The following ANKRD2 variants were observed in gnomAD, a reference collection of about 807,000 sequenced individuals.
ANKRD2 encodes ankyrin repeat domain 2.
ANKRD2 carries 35 observed loss-of-function variants against 37.3 expected under a neutral mutation model. The ratio of observed to expected loss-of-function variants is 0.94; its 90% CI spans 0.72 to 1.24. ANKRD2 has a LOEUF of 1.24. ANKRD2 is among the 50% of genes most tolerant of loss of function. ANKRD2 has a pLI of 0.00. For missense variants in ANKRD2, 410 were observed against 445.6 expected, an observed-to-expected ratio of 0.92 and a Z score of 0.72; for synonymous variants, 159 against 186.5, an observed-to-expected ratio of 0.85 and a Z score of 1.20.
chr10:97,572,846 C>A lies in ANKRD2; in HGVS notation c.58C>A (p.Gln20Lys). The change falls in exon 1 of 9, where the codon CAG (glutamine) becomes AAG (lysine). Residue 20 changes from glutamine (Q) to lysine (K), a missense_variant. Transcript: ENST00000370655. ...GCAGAGGGCCACAGCGCTCATCGAGCAGCGGCTGGCACAGGAGGAGGAGAA... is the reference window on the plus strand; with the variant it reads ...GCAGAGGGCCACAGCGCTCATCGAGAAGCGGCTGGCACAGGAGGAGGAGAA... ...AVQRATALIE[Q>K]RLAQEEENEK... The A allele has an allele frequency of 6.4e-7, 1 of 1,556,398 alleles. No individual in the cohort carries two copies. Among genetic ancestry groups the A allele is most frequent in the Middle Eastern group, 1.8e-4 (1 of 5,672 alleles).
rs1182978837 is a variant in ANKRD2, at chr10:97,582,703, G to A, written c.852+1G>A. On this transcript the variant is annotated splice_donor_variant, in intron 8 of 8. Transcript: ENST00000370655. LOFTEE classifies it high-confidence loss of function. ...GGCTGACATGATGACCAAGAACCTG[G>A]TAAGCTCATTCCCTCCTTGATTCAG... The A allele has an allele frequency of 1.2e-6, 2 of 1,613,784 alleles. No homozygotes were observed. Among genetic ancestry groups the A allele is most frequent in the African/African-American group, 2.7e-5 (2 of 74,888 alleles).
chr10:97,576,745 G>T (rs925138958), intron 1 of ANKRD2, among the ~76,000 whole-genome samples: 1 of 150,786 alleles, frequency 6.6e-6, no homozygotes, highest in African/African-American at 2.4e-5. Context: ...CGCCCAAGCT[G>T]GAGTATAGTG....
At chr10:97,581,495 A>G in intron 6 of ANKRD2, 81 bp downstream of exon 6, 1 of 1,402,690 alleles carries the variant, frequency 7.1e-7, no homozygotes, top group Admixed American at 1.8e-5. Context: ...AGGAAAGCCT[A>G]GGGGGCAGGA....
chr10:97,578,193 C>T (rs375905470), intron 2 of ANKRD2, 47 bp from the exon 3 acceptor site: 13 of 1,591,096 alleles, frequency 8.2e-6, no homozygotes, highest in Non-Finnish European at 1.1e-5. Flanking sequence ...CCCAAGCCCC[C>T]CAAACTCTCT....
rs1212764063 is a variant in ANKRD2, at chr10:97,579,477, T to C, written c.456+872T>C. On this transcript the variant is annotated intron_variant, in intron 4 of 8. Coordinates refer to ENST00000370655, the MANE Select transcript of ANKRD2 (RefSeq NM_001346793.2). ...TTGAACCACCACTCCTGGCCTATTT[T>C]TTTTTCATGGTAAAACATAACGTGA... Among the ~76,000 whole-genome samples, 4 of 152,070 alleles carry C rather than the reference T, an allele frequency of 2.6e-5. No homozygotes were observed. In the South Asian group the frequency reaches 8.3e-4, roughly 32 times the overall value.
chr10:97,574,760 C>G (rs2040803044), intron 1 of ANKRD2, among the ~76,000 whole-genome samples: 1 of 152,162 alleles, frequency 6.6e-6, no homozygotes, highest in Admixed American at 6.5e-5. Context: ...CAGGAAAGAG[C>G]TTGGAATGAG....
Position 97,583,881 on chromosome 10 carries a change from C to T in ANKRD2, c.*156C>T. On this transcript the variant is annotated 3_prime_UTR_variant, in exon 9 of 9. Coordinates refer to ENST00000370655, the MANE Select transcript of ANKRD2 (RefSeq NM_001346793.2). ...TACCACAATAAAAAAGCTGTTTTTG[C>T]TAATTGCGATGTTCATTTCCACTTG... 1.2e-6 allele frequency: 1 copy of T among 809,590 alleles called. No individual in the cohort carries two copies. Among genetic ancestry groups the T allele is most frequent in the Non-Finnish European group, 1.7e-6 (1 of 578,940 alleles). The allele number at this position is 809,590 out of a possible 1,614,324, so 50.2% of individuals were successfully genotyped here. A position where few individuals can be genotyped will look rare whatever the true frequency, so the allele number is the denominator to read the frequency against.
rs780964391 is a variant in ANKRD2, at chr10:97,572,813, G to A, written c.25G>A (p.Glu9Lys). The change falls in exon 1 of 9, where the codon GAG becomes AAG. Residue 9 changes from glutamate (E) to lysine (K), a missense_variant. Coordinates refer to ENST00000370655, the MANE Select transcript of ANKRD2 (RefSeq NM_001346793.2). The stretch of plus-strand genomic sequence containing the variant: ...TATGGACGGCACCATGGAGGACTCC[G>A]AGGCGGTGCAGAGGGCCACAGCGCT... MDGTMEDS[E>K]AVQRATALIE... 6.4e-6 allele frequency: 10 copies of A among 1,572,756 alleles called. No homozygotes were observed. The highest frequency in any genetic ancestry group is 2.7e-5 in the African/African-American group (2 of 74,218).
chr10:97,577,304 T>C (rs1200549840), intron 1 of ANKRD2, among the ~76,000 whole-genome samples: 2 of 152,122 alleles, frequency 1.3e-5, no homozygotes, highest in African/African-American at 4.8e-5. Context: ...GTGCCTGGCC[T>C]ATTTATTTTT....
intron 4 of ANKRD2, 109 bp from the exon 5 acceptor site, chr10:97,580,746 C>A: frequency 1.3e-6 from 1 of 775,284 alleles, no homozygotes; most frequent in Non-Finnish European, 2.1e-6. Context: ...GGGGGCCAAG[C>A]ACAGGGGTGA....
At chr10:97,576,192 G>A (rs989191986) in intron 1 of ANKRD2, among the ~76,000 whole-genome samples, 2 of 152,200 alleles carry the variant, frequency 1.3e-5, no homozygotes, top group African/African-American at 4.8e-5. Context: ...GAATGGGAAA[G>A]GGGCCTGAGT....
chr10:97,581,383 G>A lies in ANKRD2; in HGVS notation c.623G>A (p.Ser208Asn). The A allele has an allele frequency of 6.2e-7, 1 of 1,614,194 alleles. No homozygotes were observed. The highest frequency in any genetic ancestry group is 1.7e-5 in the Admixed American group (1 of 60,026). The change falls in exon 6 of 9, where the codon AGC (serine) becomes AAC (asparagine). Residue 208 changes from serine to asparagine, a missense_variant. By Grantham distance (46) the Ser-to-Asn change is conservative. Coordinates refer to ENST00000370655, the MANE Select transcript of ANKRD2 (RefSeq NM_001346793.2). ...GHLEVVKLLQ[S>N]HGADTNVRDK... ...TTAGAGGTGGTGAAACTTCTGCAAA[G>A]CCATGGAGCAGACACCAATGTGAGG...
intron 4 of ANKRD2, among the ~76,000 whole-genome samples, chr10:97,578,871 A>G (rs1029526579): frequency 1.3e-5 from 2 of 152,206 alleles, no homozygotes; most frequent in Non-Finnish European, 2.9e-5. Context: ...AGAATCAAAT[A>G]AAAACAGACC....
At chr10:97,573,009 T>C in intron 1 of ANKRD2, 134 bp downstream of exon 1, 1 of 1,200,298 alleles carries the variant, frequency 8.3e-7, no homozygotes, top group Non-Finnish European at 1.1e-6. Flanking sequence ...TTGGGCCTCA[T>C]TCCTGTCCCA....
Position 97,578,413 on chromosome 10 carries a change from G to A in ANKRD2, c.348+15G>A. 1 of 1,613,446 alleles carries A rather than the reference G, an allele frequency of 6.2e-7. No homozygotes were observed. Among genetic ancestry groups the A allele is most frequent in the Non-Finnish European group, 8.5e-7 (1 of 1,179,656 alleles). ...CCGAGGAGATCGTAAGGGTCCTGGG[G>A]AGGACACCGCGAGGGGGCGGAGGGG... On this transcript the variant is annotated intron_variant, in intron 3 of 8. Coordinates refer to ENST00000370655, the MANE Select transcript of ANKRD2 (RefSeq NM_001346793.2).
At position 97,582,311 on chromosome 10, in the gene ANKRD2, C is replaced by T. The variant is rs185893932; in HGVS notation, c.655-4C>T. On this transcript the variant is annotated splice_polypyrimidine_tract_variant and splice_region_variant and intron_variant, in intron 6 of 8. Transcript: ENST00000370655. ...ACTAGCAGTTCCTGATTCCTCCCAC[C>T]CAGCTGCTGAGCACCCCGCTGCACG... 2.1e-5 allele frequency: 32 copies of T among 1,553,602 alleles called. No homozygotes were observed. In the Admixed American group the frequency reaches 4.7e-4, roughly 23 times the overall value.
Position 97,577,968 on chromosome 10 carries a change from C to A in ANKRD2, c.189+67C>A, listed in dbSNP as rs753194229. 419 of 1,441,196 alleles carry A rather than the reference C, an allele frequency of 2.9e-4. 2 individuals are homozygous for A. The Middle Eastern group carries it at 7.2e-3, about 25-fold the overall frequency. 89.3% of individuals were successfully genotyped at this position (1,441,196 alleles called of 1,614,324 possible). On this transcript the variant is annotated intron_variant, in intron 2 of 8. Coordinates refer to ENST00000370655, the MANE Select transcript of ANKRD2 (RefSeq NM_001346793.2). ...CCAGGTAGCCATGGCCTGTCTGCAC[C>A]TCTCCCCACGTGGCCCATGGACCAG... is the stretch of plus-strand genomic sequence containing the variant.
At chr10:97,581,166 C>T (rs2040893129) in intron 5 of ANKRD2, 150 bp from the exon 6 acceptor site, 1 of 838,690 alleles carries the variant, frequency 1.2e-6, no homozygotes, top group South Asian at 1.7e-5. Context: ...CCTGAGTGTT[C>T]TTCTGTTCCA....
intron 1 of ANKRD2, among the ~76,000 whole-genome samples, chr10:97,574,726 C>T (rs1290003559): frequency 6.6e-6 from 1 of 152,102 alleles, no homozygotes; most frequent in African/African-American, 2.4e-5. Context: ...AGGGTCAAGA[C>T]CCCAAGGGAA....
Sources: allele counts gnomAD v4.1 joint callset (sites outside exome capture counted in the v4.1 genomes callset), GRCh38; gene constraint gnomAD v4.1.1; transcripts MANE v1.5; gene names NCBI Gene and HGNC (gene_info 2026-07-23, HGNC 2026-07-21).